Variants in DLGAP4 observed in about 807,000 individuals in gnomAD.
DLGAP4 encodes disks large-associated protein 4.
In DLGAP4, 18 loss-of-function variants were observed where a neutral mutation model predicts 86.9. That is an observed-to-expected ratio of 0.21 (90% CI 0.14 to 0.31). The LOEUF is 0.31. DLGAP4 is among the 10% of genes least tolerant of loss of function. The pLI, the probability that DLGAP4 is intolerant of heterozygous loss-of-function variation, is 1.00. For missense variants in DLGAP4, 1,085 were observed against 1,362.6 expected, an observed-to-expected ratio of 0.80 and a Z score of 3.21; for synonymous variants, 548 against 574.3, an observed-to-expected ratio of 0.95 and a Z score of 0.65.
intron 2 of DLGAP4, among the ~76,000 whole-genome samples, chr20:36,411,191 T>C (rs1373214292): frequency 6.6e-6 from 1 of 152,174 alleles, no homozygotes; most frequent in Non-Finnish European, 1.5e-5. Context: ...GGTTTCACTA[T>C]GTTGGCCAGG....
chr20:36,309,316 G>T (rs2065032826), intron 1 of DLGAP4, among the ~76,000 whole-genome samples: 1 of 152,204 alleles, frequency 6.6e-6, no homozygotes, highest in African/African-American at 2.4e-5. Flanking sequence ...GAAGGGCAGG[G>T]TCGTGCCTGT....
At chr20:36,510,298 C>T (rs2036618849) in intron 10 of DLGAP4, among the ~76,000 whole-genome samples, 1 of 151,598 alleles carries the variant, frequency 6.6e-6, no homozygotes, top group Non-Finnish European at 1.5e-5. Flanking sequence ...GAGTCTCACT[C>T]TGGCACCCCA....
At chr20:36,523,515 T>C (rs962915322) in intron 10 of DLGAP4, among the ~76,000 whole-genome samples, 1 of 152,226 alleles carries the variant, frequency 6.6e-6, no homozygotes, top group African/African-American at 2.4e-5. Flanking sequence ...TCATTTTCCA[T>C]GTTTATTTAA....
chr20:36,424,738 G>T (rs965440676), intron 2 of DLGAP4, among the ~76,000 whole-genome samples: 52 of 139,324 alleles, frequency 3.7e-4, no homozygotes, highest in Admixed American at 2.7e-3. Context: ...TGTTTTGTTT[G>T]TTTTTTTTTT....
chr20:36,526,857 A>ATCCAAGCCGGCAGTGAGCCGC lies in DLGAP4; in HGVS notation c.2806_2826dup (p.Ser936_Arg942dup), dbSNP rs762499694. On this transcript the variant is annotated inframe_insertion, in exon 13 of 13. Coordinates refer to ENST00000339266, the MANE Select transcript of DLGAP4 (RefSeq NM_001365621.2). ...CTCCGGTCCCAAAGAAGCCAGCCAA[A>ATCCAAGCCGGCAGTGAGCCGC]TCCAAGCCGGCAGTGAGCCGCGACA... is the stretch of plus-strand genomic sequence containing the variant. The ATCCAAGCCGGCAGTGAGCCGC allele has an allele frequency of 6.2e-7, 1 of 1,612,196 alleles. No individual in the cohort carries two copies. The highest frequency in any genetic ancestry group is 1.1e-5 in the South Asian group (1 of 90,792).
chr20:36,431,975 C>T lies in DLGAP4; in HGVS notation c.258C>T (p.Ser86=). The T allele has an allele frequency of 6.2e-7, 1 of 1,614,242 alleles. No individual in the cohort carries two copies. ...CCCACTTCGAGGTGCCAGAGGAGAG[C>T]CCCTTCCCCAGCCATGCCCAAGCCA... ...YNSHFEVPEE[S]PFPSHAQATK... is the part of the protein sequence containing the mutation. Residue 86 remains serine (S), a synonymous_variant, in exon 3 of 13, where the codon AGC becomes AGT. Transcript: ENST00000339266. This position sits in a 1 kb window ranked among gnomAD's most constrained non-coding sequence, Gnocchi z 5.1.
chr20:36,456,162 C>T (rs887884634), intron 7 of DLGAP4, among the ~76,000 whole-genome samples: 2 of 152,224 alleles, frequency 1.3e-5, no homozygotes, highest in Admixed American at 1.3e-4. Context: ...CACACACAGA[C>T]ATGCACACAC....
intron 7 of DLGAP4, among the ~76,000 whole-genome samples, chr20:36,485,111 C>T (rs1158862288): frequency 2.0e-5 from 3 of 152,068 alleles, no homozygotes; most frequent in South Asian, 2.1e-4. Flanking sequence ...TTTGGCCGGG[C>T]GAGGTGGCTC....
At chr20:36,478,775 A>G (rs979977355) in intron 7 of DLGAP4, among the ~76,000 whole-genome samples, 6 of 152,236 alleles carry the variant, frequency 3.9e-5, no homozygotes, top group Admixed American at 3.3e-4. Context: ...CACTTAGCAG[A>G]TAGAACATGA....
At position 36,439,763 on chromosome 20, in the gene DLGAP4, C is replaced by A; in HGVS notation, c.1251C>A (p.Asp417Glu). The A allele has an allele frequency of 6.2e-7, 1 of 1,613,180 alleles. No homozygotes were observed. Among genetic ancestry groups the A allele is most frequent in the African/African-American group, 1.3e-5 (1 of 75,022 alleles). ...CCCCACTCCCCACCAGGAGTCTGGACCGCCTGGATTCAGTGGACATGCTGC... is the reference window on the plus strand; with the variant it reads ...CCCCACTCCCCACCAGGAGTCTGGAACGCCTGGATTCAGTGGACATGCTGC... Reference protein sequence around the residue: ...GEQSNPRRSLDRLDSVDMLLP... With the variant: ...GEQSNPRRSLERLDSVDMLLP... The change falls in exon 5 of 13, where the codon GAC (aspartate) becomes GAA (glutamate). Residue 417 changes from aspartate (D) to glutamate (E), a missense_variant. By Grantham distance (45) the Asp-to-Glu change is conservative. Transcript: ENST00000339266.
chr20:36,436,134 G>T lies in DLGAP4; in HGVS notation c.1025G>T (p.Ser342Ile). 1 of 1,586,942 alleles carries T rather than the reference G, an allele frequency of 6.3e-7. No individual in the cohort carries two copies. The highest frequency in any genetic ancestry group is 2.3e-5 in the East Asian group (1 of 44,364). The change falls in exon 4 of 13, where the codon AGC becomes ATC. Residue 342 changes from serine (S) to isoleucine (I), a missense_variant. Physicochemically the swap from Ser to Ile is moderately radical, Grantham distance 142 (BLOSUM62 -2). Transcript: ENST00000339266. ...LQVPGGGGEW[S>I]TTLLSPRETD... ...GTGCCCGGCGGCGGCGGCGAGTGGA[G>T]CACCACGCTGCTGTCCCCACGCGAG...
chr20:36,418,754 G>A (rs536441035), intron 2 of DLGAP4, among the ~76,000 whole-genome samples: 2 of 152,198 alleles, frequency 1.3e-5, no homozygotes, highest in Admixed American at 6.5e-5. Context: ...TCTTCAAGTG[G>A]AGGAGGGACC....
At position 36,500,745 on chromosome 20, in the gene DLGAP4, C is replaced by T. The variant is rs2036110444; in HGVS notation, c.2512+134C>T. ...CTTCTTGGGCTAGTTTTTGAGCTCC[C>T]TTCTTACTTTCTTCGCATTCTTCCA... On this transcript the variant is annotated intron_variant, in intron 10 of 12. Coordinates refer to ENST00000339266, the MANE Select transcript of DLGAP4 (RefSeq NM_001365621.2). This position sits in a 1 kb window ranked among gnomAD's most constrained non-coding sequence, Gnocchi z 4.6. 3 of 806,824 alleles carry T rather than the reference C, an allele frequency of 3.7e-6. No homozygotes were observed. The highest frequency in any genetic ancestry group is 8.3e-5 in the Admixed American group (2 of 24,024). 50.0% of individuals were successfully genotyped at this position (806,824 alleles called of 1,614,324 possible). A position where few individuals can be genotyped will look rare whatever the true frequency, so the allele number is the denominator to read the frequency against.
intron 10 of DLGAP4, among the ~76,000 whole-genome samples, chr20:36,520,174 C>G (rs987885931): frequency 3.3e-5 from 5 of 152,166 alleles, no homozygotes; most frequent in African/African-American, 1.2e-4. Flanking sequence ...AGCATATTTA[C>G]TGAACATCTA....
At chr20:36,361,487 G>A (rs1291384599) in intron 1 of DLGAP4, among the ~76,000 whole-genome samples, 3 of 152,116 alleles carry the variant, frequency 2.0e-5, no homozygotes, top group South Asian at 2.1e-4. Context: ...AGAGTGAGGC[G>A]TTCATTTGTT....
intron 1 of DLGAP4, among the ~76,000 whole-genome samples, chr20:36,362,680 C>T (rs907810492): frequency 6.6e-6 from 1 of 152,212 alleles, no homozygotes; most frequent in South Asian, 2.1e-4. Flanking sequence ...ATGAAACAGA[C>T]AGAACTCTCT....
chr20:36,399,185 G>A (rs1386735977), intron 2 of DLGAP4, among the ~76,000 whole-genome samples: 2 of 152,158 alleles, frequency 1.3e-5, no homozygotes, highest in South Asian at 2.1e-4. Context: ...AACAGAGTGA[G>A]ACTCTGTCTC....
At chr20:36,336,978 C>T (rs555134135) in intron 1 of DLGAP4, among the ~76,000 whole-genome samples, 1 of 152,318 alleles carries the variant, frequency 6.6e-6, no homozygotes, top group African/African-American at 2.4e-5. Flanking sequence ...ACAGCAAATA[C>T]ATTTTGGACT....
chr20:36,422,250 G>A (rs866488762), intron 2 of DLGAP4, among the ~76,000 whole-genome samples: 5 of 152,182 alleles, frequency 3.3e-5, no homozygotes, highest in Non-Finnish European at 5.9e-5. Flanking sequence ...CAGAATGTTC[G>A]GCCATTCCAC....
Sources: allele counts gnomAD v4.1 joint callset (sites outside exome capture counted in the v4.1 genomes callset), GRCh38; gene constraint gnomAD v4.1.1; non-coding constraint Gnocchi (gnomAD v3.1); transcripts MANE v1.5; gene names NCBI Gene and HGNC (gene_info 2026-07-23, HGNC 2026-07-21).